Variants in MCTP1 observed in about 807,000 individuals in gnomAD.
MCTP1 encodes multiple C2 and transmembrane domain-containing protein 1.
MCTP1 carries 69 observed loss-of-function variants against 120.6 expected under a neutral mutation model. The ratio of observed to expected loss-of-function variants is 0.57; its 90% CI spans 0.47 to 0.70. The LOEUF is 0.70. Among genes scored for constraint, MCTP1 ranks in the 30% least tolerant of loss-of-function variants. MCTP1 has a pLI of 0.00. For synonymous variants in MCTP1, 529 were observed against 493.1 expected, an observed-to-expected ratio of 1.07 and a Z score of -0.96; for missense variants, 1,203 against 1,248.8, an observed-to-expected ratio of 0.96 and a Z score of 0.55.
At chr5:94,864,993 A>T (rs1796530497) in intron 17 of MCTP1, among the ~76,000 whole-genome samples, 2 of 151,988 alleles carry the variant, frequency 1.3e-5, no homozygotes, top group Admixed American at 6.6e-5. Context: ...CAAGACGAGC[A>T]GTGCCTTCTG....
intron 21 of MCTP1, 39 bp downstream of exon 21, chr5:94,710,779 G>A (rs1255163309): frequency 7.4e-7 from 1 of 1,348,764 alleles, no homozygotes; most frequent in Non-Finnish European, 1.1e-6. Flanking sequence ...GTTCTTAGCA[G>A]CTAAGACAGT....
At chr5:94,965,393 T>C (rs1825342450) in intron 2 of MCTP1, among the ~76,000 whole-genome samples, 1 of 152,130 alleles carries the variant, frequency 6.6e-6, no homozygotes, top group East Asian at 1.9e-4. Context: ...GTTTGGAAAA[T>C]GATTCAGGTA....
intron 1 of MCTP1, among the ~76,000 whole-genome samples, chr5:95,241,618 C>A (rs73776337): frequency 0.16 from 23,823 of 152,134 alleles, 1,977 homozygotes; most frequent in Non-Finnish European, 0.19. Context: ...ACATTTATAC[C>A]ATATTTCTAT....
At chr5:94,736,530 T>C (rs549368801) in intron 19 of MCTP1, among the ~76,000 whole-genome samples, 1 of 152,302 alleles carries the variant, frequency 6.6e-6, no homozygotes, top group Admixed American at 6.5e-5. Context: ...TGCATTCCCA[T>C]GTTTATATAG....
At chr5:94,803,348 G>T (rs1472726958) in intron 17 of MCTP1, among the ~76,000 whole-genome samples, 6 of 152,140 alleles carry the variant, frequency 3.9e-5, no homozygotes, top group African/African-American at 1.4e-4. Flanking sequence ...CTGGCTTTGG[G>T]CCGTTAGCCA....
intron 19 of MCTP1, among the ~76,000 whole-genome samples, chr5:94,740,942 C>T (rs927764451): frequency 2.0e-5 from 3 of 152,138 alleles, no homozygotes; most frequent in Admixed American, 2.0e-4. Context: ...CGGAAACACA[C>T]AAATTATTGC....
intron 2 of MCTP1, among the ~76,000 whole-genome samples, chr5:94,982,410 G>A (rs1829604890): frequency 6.6e-6 from 1 of 152,116 alleles, no homozygotes; most frequent in East Asian, 1.9e-4. Context: ...AGCACATAAT[G>A]AGATAGCCAT....
chr5:95,196,876 CATT>C (rs1448450908), intron 1 of MCTP1, among the ~76,000 whole-genome samples: 3 of 152,172 alleles, frequency 2.0e-5, no homozygotes. Context: ...CCGAGTTTCT[CATT>C]ATTCTTAAGC....
intron 15 of MCTP1, 22 bp from the exon 16 acceptor site, chr5:94,870,513 T>C: frequency 6.9e-7 from 1 of 1,459,242 alleles, no homozygotes; most frequent in South Asian, 1.1e-5. Context: ...CATATGTGTC[T>C]GTTATGGATT....
chr5:95,266,704 C>T (rs961515873), intron 1 of MCTP1, among the ~76,000 whole-genome samples: 2 of 152,140 alleles, frequency 1.3e-5, no homozygotes, highest in African/African-American at 2.4e-5. Context: ...TGGTTGGATG[C>T]TTAAAGCAGT....
chr5:94,751,659 C>G lies in MCTP1; in HGVS notation c.2610+27451G>C, dbSNP rs1185995819. On this transcript the variant is annotated intron_variant, in intron 19 of 22. Coordinates refer to ENST00000515393, the MANE Select transcript of MCTP1 (RefSeq NM_024717.7). The stretch of plus-strand genomic sequence containing the variant: ...ATGCATAAAGCGTACAGAGCCCTGA[C>G]AGCTGTGAAAGAATGACTTTGAGAG... Among the ~76,000 whole-genome samples, 3 of 152,202 alleles carry G rather than the reference C, an allele frequency of 2.0e-5. No homozygotes were observed. In the East Asian group the frequency reaches 5.8e-4, roughly 29 times the overall value.
chr5:94,879,942 G>A (rs941604577), intron 12 of MCTP1, among the ~76,000 whole-genome samples: 6 of 152,048 alleles, frequency 3.9e-5, no homozygotes, highest in Non-Finnish European at 8.8e-5. Context: ...GTAACTAGAT[G>A]CATTCTTGAG....
chr5:94,714,326 A>G (rs1282320711), intron 20 of MCTP1, among the ~76,000 whole-genome samples: 1 of 152,156 alleles, frequency 6.6e-6, no homozygotes, highest in Non-Finnish European at 1.5e-5. Flanking sequence ...ATATTTTTGC[A>G]GGGTACCATA....
chr5:95,129,990 C>A (rs773399200), intron 1 of MCTP1, among the ~76,000 whole-genome samples: 8 of 152,188 alleles, frequency 5.3e-5, no homozygotes, highest in Non-Finnish European at 1.2e-4. Context: ...TGTCTCTCTC[C>A]TTGAATTGGA....
At chr5:95,201,150 T>C (rs1750964940) in intron 1 of MCTP1, among the ~76,000 whole-genome samples, 1 of 152,228 alleles carries the variant, frequency 6.6e-6, no homozygotes. Flanking sequence ...CACCAAACTT[T>C]AGGACTGCTG....
rs147253787 is a variant in MCTP1 at position 94,763,656 on chromosome 5, G to A, written c.2610+15454C>T. Among the ~76,000 whole-genome samples the A allele has an allele frequency of 8.7e-3, 1,320 of 152,182 alleles. 8 individuals carry two copies. The highest frequency in any genetic ancestry group is 0.034 in the Middle Eastern group (10 of 294). On this transcript the variant is annotated intron_variant, in intron 19 of 22. Coordinates refer to ENST00000515393, the MANE Select transcript of MCTP1 (RefSeq NM_024717.7). ...ACTCCTGGAAGGCTCATACTGTGTC[G>A]CATTCATCTGTGTCTACCCAGTGAC...
chr5:95,189,496 CAG>C (rs1272152215), intron 1 of MCTP1, among the ~76,000 whole-genome samples: 1 of 152,064 alleles, frequency 6.6e-6, no homozygotes, highest in African/African-American at 2.4e-5. Context: ...GGTTGTAAGA[CAG>C]AGAGGAGTCT....
At chr5:94,986,370 T>A (rs1442276495) in intron 2 of MCTP1, among the ~76,000 whole-genome samples, 1 of 152,186 alleles carries the variant, frequency 6.6e-6, no homozygotes, top group Non-Finnish European at 1.5e-5. Flanking sequence ...CACTGGTTTG[T>A]GTAATCCTGG....
At chr5:94,764,335 C>A (rs1325583100) in intron 19 of MCTP1, among the ~76,000 whole-genome samples, 6 of 152,166 alleles carry the variant, frequency 3.9e-5, no homozygotes, top group Non-Finnish European at 7.3e-5. Context: ...TTGATAAGAA[C>A]CTAATTGATA....
Sources: allele counts gnomAD v4.1 joint callset (sites outside exome capture counted in the v4.1 genomes callset), GRCh38; gene constraint gnomAD v4.1.1; transcripts MANE v1.5; gene names NCBI Gene and HGNC (gene_info 2026-07-23, HGNC 2026-07-21).